Variants in LIMS2 observed in about 807,000 individuals in gnomAD.
LIMS2 encodes LIM and senescent cell antigen-like-containing domain protein 2.
In LIMS2, 30 loss-of-function variants were observed where a neutral mutation model predicts 45.3. The ratio of observed to expected loss-of-function variants is 0.66; its 90% CI spans 0.50 to 0.90. The LOEUF is 0.90. Ranked by LOEUF, LIMS2 falls within the 40% of genes least tolerant of loss-of-function variation. LIMS2 has a pLI of 0.00. For missense variants in LIMS2, 485 were observed against 468.7 expected (o/e 1.03, Z -0.32); for synonymous variants, 173 against 188.0 (o/e 0.92, Z 0.65).
Position 127,642,275 on chromosome 2 carries a change from G to A in LIMS2, c.510-76C>T, listed in dbSNP as rs1682503790. Reference sequence around the variant, plus strand: ...TCATGCCAGCAGCGCCTCCACCCCAGGGCACGGCTCCCCGAGGGGCCCATT... The same window carrying A: ...TCATGCCAGCAGCGCCTCCACCCCAAGGCACGGCTCCCCGAGGGGCCCATT... On this transcript the variant is annotated intron_variant, in intron 5 of 9. Coordinates refer to ENST00000355119, the MANE Select transcript of LIMS2 (RefSeq NM_001161403.3). The surrounding 1 kb of genome is among the most constrained non-coding windows in gnomAD (Gnocchi z 5.3). 3.5e-6 allele frequency: 5 copies of A among 1,408,916 alleles called. No individual in the cohort carries two copies. The African/African-American group carries it at 4.4e-5, about 12-fold the overall frequency. 87.3% of individuals were successfully genotyped at this position (1,408,916 alleles called of 1,614,324 possible). A position where few individuals can be genotyped will look rare whatever the true frequency, so the allele number is the denominator to read the frequency against.
chr2:127,660,954 A>G (rs1163671222), intron 1 of LIMS2, among the ~76,000 whole-genome samples: 2 of 151,720 alleles, frequency 1.3e-5, no homozygotes, highest in East Asian at 1.9e-4. Flanking sequence ...GGGGGTGGCC[A>G]CCTCCTTCCT....
chr2:127,639,527 C>T (rs1682185466), intron 9 of LIMS2, 99 bp from the exon 10 acceptor site: 2 of 1,444,886 alleles, frequency 1.4e-6, no homozygotes, highest in African/African-American at 1.4e-5. Context: ...CCAGCCTCCC[C>T]ACACCAGCCT....
upstream of LIMS2, among the ~76,000 whole-genome samples, chr2:127,678,089 C>T (rs1026598994): frequency 2.6e-5 from 4 of 152,168 alleles, no homozygotes; most frequent in Non-Finnish European, 5.9e-5. This position sits in a 1 kb window ranked among gnomAD's most constrained non-coding sequence, Gnocchi z 5.3. Context: ...TAATGACATA[C>T]AATGCTGAAG....
chr2:127,645,389 G>A (rs909612403), intron 4 of LIMS2, among the ~76,000 whole-genome samples: 1 of 152,240 alleles, frequency 6.6e-6, no homozygotes, highest in African/African-American at 2.4e-5. Context: ...CAGAAAGACA[G>A]AGAGAAATGA....
chr2:127,660,654 C>T (rs1684574199), intron 1 of LIMS2, among the ~76,000 whole-genome samples: 1 of 151,924 alleles, frequency 6.6e-6, no homozygotes, highest in South Asian at 2.1e-4. Flanking sequence ...GACATACAGT[C>T]TTGAAGAACT....
Position 127,661,750 on chromosome 2 carries a change from C to G in LIMS2, c.12-4188G>C, listed in dbSNP as rs189324643. On this transcript the variant is annotated intron_variant, in intron 1 of 9. Transcript: ENST00000355119. ...CAAGCCAATTTGTTGCAAGATGTCC[C>G]TGAGTCTGAGGTGGGATCAGAGGAG... 2.8e-3 allele frequency among the ~76,000 whole-genome samples: 421 copies of G among 152,296 alleles called. 1 individual carries two copies. The highest frequency in any genetic ancestry group is 4.4e-3 in the Non-Finnish European group (296 of 68,010).
chr2:127,640,425 C>A (rs1682291689), intron 7 of LIMS2, 107 bp from the exon 8 acceptor site: 1 of 1,204,488 alleles, frequency 8.3e-7, no homozygotes. Flanking sequence ...CAGGCATCTC[C>A]CAGGCCCTGC....
In LIMS2 at chr2:127,653,716, AGAG is replaced by A. The variant is rs376552108; in HGVS notation, c.359+705_359+707del. Among the ~76,000 whole-genome samples, 314 of 152,142 alleles carry A rather than the reference AGAG, an allele frequency of 2.1e-3. 3 individuals carry two copies. Among genetic ancestry groups the A allele is most frequent in the African/African-American group, 7.3e-3 (302 of 41,480 alleles). ...TGTGGTGAGGGCTGCTGAGGGGTCA[AGAG>A]GAGGTGTGGGTCCCTGGGCAGATGA... On this transcript the variant is annotated intron_variant, in intron 4 of 9. Transcript: ENST00000355119. The surrounding 1 kb of genome is among the most constrained non-coding windows in gnomAD (Gnocchi z 5.3).
rs775950871 is a variant in LIMS2, at chr2:127,672,061, T to G, written c.11+2953A>C. Among the ~76,000 whole-genome samples, 9 of 152,190 alleles carry G rather than the reference T, an allele frequency of 5.9e-5. No individual in the cohort carries two copies. Among genetic ancestry groups the G allele is most frequent in the Non-Finnish European group, 8.8e-5 (6 of 68,022 alleles). The stretch of plus-strand genomic sequence containing the variant: ...CATGGGCTCAGCACACAATCAGGCA[T>G]ACGACAGCCTCACATGTGACACACA... On this transcript the variant is annotated intron_variant, in intron 1 of 9. Coordinates refer to ENST00000355119, the MANE Select transcript of LIMS2 (RefSeq NM_001161403.3). This position sits in a 1 kb window ranked among gnomAD's most constrained non-coding sequence, Gnocchi z 4.9.
intron 4 of LIMS2, among the ~76,000 whole-genome samples, chr2:127,654,186 G>GCCGGGA (rs1684072949): frequency 6.6e-6 from 1 of 152,148 alleles, no homozygotes; most frequent in Non-Finnish European, 1.5e-5. Context: ...GGCAGAGTGT[G>GCCGGGA]AGGATTTCTC....
rs368854785 is a variant in LIMS2, at chr2:127,642,020, G to A, written c.660+29C>T. The A allele has an allele frequency of 1.3e-5, 21 of 1,605,874 alleles. No homozygotes were observed. The highest frequency in any genetic ancestry group is 1.7e-5 in the Admixed American group (1 of 59,340). On this transcript the variant is annotated intron_variant, in intron 6 of 9. Coordinates refer to ENST00000355119, the MANE Select transcript of LIMS2 (RefSeq NM_001161403.3). This position sits in a 1 kb window ranked among gnomAD's most constrained non-coding sequence, Gnocchi z 5.3. ...CCTGAGCTGGGGCACCCCCCAACCT[G>A]AGGCCACGTGTCCACCAGCCTGGCT...
At chr2:127,654,788 A>G in intron 3 of LIMS2, 42 bp downstream of exon 3, 1 of 1,601,178 alleles carries the variant, frequency 6.2e-7, no homozygotes, top group Non-Finnish European at 8.6e-7. Flanking sequence ...ACTGCTGCCC[A>G]CTTCCCAGGC....
chr2:127,678,885 C>T (rs1353149304), upstream of LIMS2, among the ~76,000 whole-genome samples: 1 of 152,124 alleles, frequency 6.6e-6, no homozygotes, highest in Non-Finnish European at 1.5e-5. This position sits in a 1 kb window ranked among gnomAD's most constrained non-coding sequence, Gnocchi z 5.3. Flanking sequence ...GGTCCATTCT[C>T]CAGCGTAGAT....
Position 127,675,158 on chromosome 2 carries a change from G to T in LIMS2, c.-134C>A. On this transcript the variant is annotated 5_prime_UTR_variant, in exon 1 of 10. Coordinates refer to ENST00000355119, the MANE Select transcript of LIMS2 (RefSeq NM_001161403.3). ...AGACGCCCAAAAAAGGCCAAGAGCC[G>T]CTCCGCCCGCGAGAGGGGTGGGCGG... 2 of 768,294 alleles carry T rather than the reference G, an allele frequency of 2.6e-6. No homozygotes were observed. The highest frequency in any genetic ancestry group is 1.8e-5 in the African/African-American group (1 of 54,626). 47.6% of individuals were successfully genotyped at this position (768,294 alleles called of 1,614,324 possible).
At chr2:127,651,794 G>A (rs1683831864) in intron 4 of LIMS2, 1 of 1,574,980 alleles carries the variant, frequency 6.3e-7, no homozygotes, top group Non-Finnish European at 8.7e-7. Flanking sequence ...GACTGTTTAG[G>A]ACTCAGCAGA....
chr2:127,661,948 C>T (rs1684695088), intron 1 of LIMS2, among the ~76,000 whole-genome samples: 1 of 152,198 alleles, frequency 6.6e-6, no homozygotes, highest in African/African-American at 2.4e-5. Flanking sequence ...CAACCCCAGA[C>T]CTTCCTCCAT....
intron 1 of LIMS2, among the ~76,000 whole-genome samples, chr2:127,668,549 G>C (rs1330979043): frequency 6.6e-6 from 1 of 151,048 alleles, no homozygotes; most frequent in African/African-American, 2.4e-5. Context: ...CATACCTGTA[G>C]TCCCAGCTAC....
rs763611955 is a variant in LIMS2 at position 127,654,910 on chromosome 2, G to T, written c.172-14C>A. ...CCGGCCTTCAAACTGCAAAGGGGTCGCAGAGAGAGGACAAGCAAACCACCT... is the reference window on the plus strand; with the variant it reads ...CCGGCCTTCAAACTGCAAAGGGGTCTCAGAGAGAGGACAAGCAAACCACCT... On this transcript the variant is annotated splice_polypyrimidine_tract_variant and intron_variant, in intron 2 of 9. Transcript: ENST00000355119. The T allele has an allele frequency of 6.2e-7, 1 of 1,612,422 alleles. No homozygotes were observed. The highest frequency in any genetic ancestry group is 8.5e-7 in the Non-Finnish European group (1 of 1,178,904).
rs566991679 is a variant in LIMS2 at position 127,664,720 on chromosome 2, C to T, written c.12-7158G>A. Reference sequence around the variant, plus strand: ...TGAGGTCCACAGTGGCGGCAGGACACCCAGGAGGTCTCCGGCTGCCACCTG... The same window carrying T: ...TGAGGTCCACAGTGGCGGCAGGACATCCAGGAGGTCTCCGGCTGCCACCTG... On this transcript the variant is annotated intron_variant, in intron 1 of 9. Transcript: ENST00000355119. This position sits in a 1 kb window ranked among gnomAD's most constrained non-coding sequence, Gnocchi z 5.5. The T allele has an allele frequency of 3.7e-6, 2 of 540,022 alleles. No homozygotes were observed. Among genetic ancestry groups the T allele is most frequent in the Admixed American group, 1.3e-4 (2 of 15,724 alleles). The allele number at this position is 540,022 out of a possible 1,614,324, so 33.5% of individuals were successfully genotyped here.
Sources: gnomAD v4.1 joint callset for allele counts (sites outside exome capture counted in the v4.1 genomes callset) on GRCh38, gnomAD v4.1.1 for gene constraint, Gnocchi (gnomAD v3.1) non-coding constraint, MANE v1.5 for transcripts, NCBI Gene and HGNC (gene_info 2026-07-23, HGNC 2026-07-21) for gene names.